The following DNAH8 variants were observed in gnomAD, a reference collection of about 807,000 sequenced individuals.
DNAH8 encodes dynein axonemal heavy chain 8, also known as axonemal beta dynein heavy chain 8.
In DNAH8, 382 loss-of-function variants were observed where a neutral mutation model predicts 562.1. The observed-to-expected ratio is 0.68, with a 90% CI of 0.63 to 0.74. The LOEUF is 0.74. Ranked by LOEUF, DNAH8 falls within the 30% of genes least tolerant of loss-of-function variation. DNAH8 has a pLI of 0.00. For synonymous variants in DNAH8, 1,881 were observed against 1,919.4 expected, an observed-to-expected ratio of 0.98 and a Z score of 0.52; for missense variants, 5,203 against 5,620.4, an observed-to-expected ratio of 0.93 and a Z score of 2.37.
At chr6:38,924,236 G>A (rs1473180065) in intron 73 of DNAH8, 74 bp downstream of exon 73, 6 of 1,483,388 alleles carry the variant, frequency 4.0e-6, no homozygotes, top group African/African-American at 1.4e-5. Flanking sequence ...AACCCGGCTG[G>A]GTGTGGTGGC....
At chr6:38,871,132 G>A (rs966698214) in intron 49 of DNAH8, among the ~76,000 whole-genome samples, 2 of 152,224 alleles carry the variant, frequency 1.3e-5, no homozygotes, top group Admixed American at 1.3e-4. Flanking sequence ...ATCTCTATGA[G>A]CTTGATGCTT....
intron 88 of DNAH8, among the ~76,000 whole-genome samples, chr6:38,999,142 G>A (rs1412270): frequency 0.14 from 21,903 of 152,096 alleles, 2,121 homozygotes; most frequent in East Asian, 0.51. Flanking sequence ...TTTGAGGCCC[G>A]TGTTCAGATC....
At chr6:38,997,296 G>C (rs1047634460) in intron 88 of DNAH8, among the ~76,000 whole-genome samples, 1 of 152,136 alleles carries the variant, frequency 6.6e-6, no homozygotes, top group African/African-American at 2.4e-5. Context: ...GCCCCTTGCT[G>C]TTCCCCCACC....
At chr6:38,719,332 C>T (rs1762573895) in intron 1 of DNAH8, among the ~76,000 whole-genome samples, 1 of 152,140 alleles carries the variant, frequency 6.6e-6, no homozygotes, top group Non-Finnish European at 1.5e-5. Flanking sequence ...ACCTGTCACC[C>T]AGATAGTGAG....
Position 38,980,943 on chromosome 6 carries a change from T to A in DNAH8, c.12835-1403T>A, listed in dbSNP as rs78695331. Among the ~76,000 whole-genome samples, 1,683 of 151,538 alleles carry A rather than the reference T, an allele frequency of 0.011. 109 individuals are homozygous for A. The East Asian group carries it at 0.16, about 14-fold the overall frequency. On this transcript the variant is annotated intron_variant, in intron 85 of 92. Transcript: ENST00000327475. The stretch of plus-strand genomic sequence containing the variant: ...TTGTCCCAACAAAAATTTATTTAGA[T>A]TTTTTTTTAAATGGTGGAATTATTC...
intron 82 of DNAH8, among the ~76,000 whole-genome samples, chr6:38,966,177 C>T (rs1694909974): frequency 6.6e-6 from 1 of 152,114 alleles, no homozygotes; most frequent in South Asian, 2.1e-4. Flanking sequence ...GGCGTAACTA[C>T]TTACCCAAAT....
At chr6:38,982,037 T>C (rs1764071366) in intron 85 of DNAH8, among the ~76,000 whole-genome samples, 1 of 152,214 alleles carries the variant, frequency 6.6e-6, no homozygotes, top group Admixed American at 6.5e-5. Flanking sequence ...TCCCGTAACA[T>C]GCTGCACAGG....
chr6:38,728,379 T>A (rs1324385553), intron 3 of DNAH8, among the ~76,000 whole-genome samples: 2 of 96,074 alleles, frequency 2.1e-5, no homozygotes, highest in Admixed American at 1.9e-4. Flanking sequence ...GTAATATAAG[T>A]GAATTTTTAA....
At chr6:38,748,791 T>A (rs935158069) in intron 8 of DNAH8, among the ~76,000 whole-genome samples, 2 of 146,844 alleles carry the variant, frequency 1.4e-5, no homozygotes, top group Non-Finnish European at 3.0e-5. Context: ...ATAATAATAA[T>A]ATAACATTTA....
intron 9 of DNAH8, among the ~76,000 whole-genome samples, chr6:38,753,202 T>A (rs1765615511): frequency 6.6e-6 from 1 of 152,176 alleles, no homozygotes; most frequent in Non-Finnish European, 1.5e-5. Context: ...TATAAGAACA[T>A]TTATACTATT....
chr6:38,745,561 C>A (rs760052668), intron 8 of DNAH8, among the ~76,000 whole-genome samples: 9 of 152,136 alleles, frequency 5.9e-5, no homozygotes, highest in African/African-American at 1.2e-4. Flanking sequence ...GTACAATGAT[C>A]AAAATGAAGG....
chr6:38,994,817 G>A (rs183078327), intron 88 of DNAH8, among the ~76,000 whole-genome samples: 2 of 151,706 alleles, frequency 1.3e-5, no homozygotes, highest in Admixed American at 6.6e-5. Flanking sequence ...GCAAATTTTT[G>A]TATTTTAGTA....
At chr6:38,846,627 T>C (rs549482431) in intron 36 of DNAH8, among the ~76,000 whole-genome samples, 2 of 152,236 alleles carry the variant, frequency 1.3e-5, no homozygotes, top group South Asian at 2.1e-4. Context: ...CTCGGATGCA[T>C]CCTCTGTGTT....
intron 11 of DNAH8, among the ~76,000 whole-genome samples, chr6:38,764,981 C>T (rs1766867498): frequency 6.6e-6 from 1 of 152,044 alleles, no homozygotes; most frequent in African/African-American, 2.4e-5. Context: ...ATTACAGATG[C>T]CTGCCACCAT....
chr6:38,885,908 T>C (rs1445169793), intron 56 of DNAH8, among the ~76,000 whole-genome samples: 1 of 152,196 alleles, frequency 6.6e-6, no homozygotes, highest in Non-Finnish European at 1.5e-5. Context: ...CACTAGAATG[T>C]GTGCTTCATG....
At chr6:38,839,706 A>G (rs923354198) in intron 33 of DNAH8, among the ~76,000 whole-genome samples, 2 of 150,840 alleles carry the variant, frequency 1.3e-5, no homozygotes, top group Non-Finnish European at 2.9e-5. Flanking sequence ...CTTGTTGCCC[A>G]GGCTGGAGTG....
In DNAH8 at chr6:38,811,452, A is replaced by G. The variant is rs142493515; in HGVS notation, c.3258-2602A>G. Among the ~76,000 whole-genome samples, 48 of 152,272 alleles carry G rather than the reference A, an allele frequency of 3.2e-4. No homozygotes were observed. The East Asian group carries it at 4.6e-3, about 15-fold the overall frequency. ...TTATCTTTTTGCCTTTCTGAACTACATTATGGGCAGTATCTCTGTATCTAT... is the reference window on the plus strand; with the variant it reads ...TTATCTTTTTGCCTTTCTGAACTACGTTATGGGCAGTATCTCTGTATCTAT... On this transcript the variant is annotated intron_variant, in intron 24 of 92. Coordinates refer to ENST00000327475, the MANE Select transcript of DNAH8 (RefSeq NM_001206927.2).
Position 38,863,911 on chromosome 6 carries a change from T to A in DNAH8, c.6349T>A (p.Phe2117Ile). The A allele has an allele frequency of 1.2e-6, 2 of 1,609,562 alleles. No homozygotes were observed. The highest frequency in any genetic ancestry group is 1.7e-6 in the Non-Finnish European group (2 of 1,179,126). ...GGGTTCCTGGGGCTGTTTTGATGAG[T>A]TTAACAGAATTGAATTGCCTGTATT... ...QSGSWGCFDE[F>I]NRIELPVLSV... is the part of the protein sequence containing the mutation. Residue 2117 changes from phenylalanine to isoleucine, a missense_variant, in exon 45 of 93, where the codon TTT (phenylalanine) becomes ATT (isoleucine). By Grantham distance (21) the Phe-to-Ile change is conservative. Transcript: ENST00000327475.
At chr6:38,916,075 AATT>A (rs1468621351) in intron 68 of DNAH8, among the ~76,000 whole-genome samples, 2 of 152,186 alleles carry the variant, frequency 1.3e-5, no homozygotes, top group Non-Finnish European at 2.9e-5. Context: ...TGAGCATTAA[AATT>A]AATTAATACA....
Sources: allele counts gnomAD v4.1 joint callset (sites outside exome capture counted in the v4.1 genomes callset), GRCh38; gene constraint gnomAD v4.1.1; transcripts MANE v1.5; gene names NCBI Gene and HGNC (gene_info 2026-07-23, HGNC 2026-07-21).